ABCE1: variants seen among roughly 807,000 people sequenced by gnomAD.
ABCE1 encodes the protein ATP-binding cassette sub-family E member 1.
In ABCE1, 22 loss-of-function variants were observed where a neutral mutation model predicts 83.4. The ratio of observed to expected loss-of-function variants is 0.26; its 90% CI spans 0.19 to 0.38. The LOEUF is 0.38. ABCE1 is among the 10% of genes least tolerant of loss of function. ABCE1 has a pLI of 1.00. For synonymous variants in ABCE1, 204 were observed against 233.7 expected, an observed-to-expected ratio of 0.87 and a Z score of 1.16; for missense variants, 330 against 721.9, an observed-to-expected ratio of 0.46 and a Z score of 6.22.
chr4:145,108,407 A>G (rs1749367547), intron 4 of ABCE1, among the ~76,000 whole-genome samples: 1 of 152,208 alleles, frequency 6.6e-6, no homozygotes. Flanking sequence ...ACTCTAATAT[A>G]CAACTGGGAC....
intron 2 of ABCE1, among the ~76,000 whole-genome samples, chr4:145,104,732 A>T (rs1749252497): frequency 6.6e-6 from 1 of 152,052 alleles, no homozygotes; most frequent in African/African-American, 2.4e-5. Context: ...AGAATAATAC[A>T]TCAATATTTA....
chr4:145,101,101 A>G (rs1266551737), intron 1 of ABCE1, among the ~76,000 whole-genome samples: 5 of 152,156 alleles, frequency 3.3e-5, no homozygotes, highest in African/African-American at 1.2e-4. Flanking sequence ...ATAGTATGTC[A>G]TATAGTTGAG....
At chr4:145,112,213 T>G in intron 8 of ABCE1, 26 bp from the exon 9 acceptor site, 2 of 1,445,330 alleles carry the variant, frequency 1.4e-6, no homozygotes, top group East Asian at 2.3e-5. Flanking sequence ...AAACTTATAT[T>G]TGCTTTTTTT....
intron 13 of ABCE1, chr4:145,121,961 CA>C (rs1749759192): frequency 6.6e-6 from 1 of 152,214 alleles, no homozygotes; most frequent in African/African-American, 2.4e-5. Flanking sequence ...AAATTGACAA[CA>C]GCAAGAAGGT....
In ABCE1 at chr4:145,123,461, A is replaced by G; in HGVS notation, c.1518-17A>G. On this transcript the variant is annotated splice_polypyrimidine_tract_variant and intron_variant, in intron 15 of 17. Coordinates refer to ENST00000296577, the MANE Select transcript of ABCE1 (RefSeq NM_002940.3). ...TATGATAGAAAGCTATAAGATTTCA[A>G]AATCATTGTGTTTTAGTTTCATACT... 1.3e-6 allele frequency: 2 copies of G among 1,594,312 alleles called. No individual in the cohort carries two copies. Among genetic ancestry groups the G allele is most frequent in the Non-Finnish European group, 1.7e-6 (2 of 1,163,582 alleles).
At chr4:145,122,834 T>C (rs1040123132) in intron 13 of ABCE1, 187 bp from the exon 14 acceptor site, 7 of 498,646 alleles carry the variant, frequency 1.4e-5, no homozygotes, top group Non-Finnish European at 2.1e-5. Context: ...TCCTTTTTAC[T>C]TGTTGGACAT....
At chr4:145,110,759 G>A (rs1749447759) in intron 7 of ABCE1, 7 of 544,180 alleles carry the variant, frequency 1.3e-5, no homozygotes, top group Admixed American at 7.0e-5. Context: ...ACTGCGCCCG[G>A]CCATTTTGTG....
At chr4:145,121,003 C>T in intron 11 of ABCE1, 171 bp from the exon 12 acceptor site, 1 of 613,580 alleles carries the variant, frequency 1.6e-6, no homozygotes, top group East Asian at 2.8e-5. Flanking sequence ...AATGACACTT[C>T]AGAGGTGAGC....
At position 145,121,347 on chromosome 4, in the gene ABCE1, C is replaced by G; in HGVS notation, c.1219C>G (p.Leu407Val). The change falls in exon 13 of 18, where the codon CTA (leucine) becomes GTA (valine). Residue 407 changes from leucine to valine, a missense_variant. Leu to Val is a conservative substitution (Grantham distance 32, BLOSUM62 1). Coordinates refer to ENST00000296577, the MANE Select transcript of ABCE1 (RefSeq NM_002940.3). ...KPDEGGEVPV[L>V]NVSYKPQKIS... ...TTATTTTGCAGGAGAAGTACCAGTT[C>G]TAAATGTCAGTTATAAGCCACAGAA... is the stretch of plus-strand genomic sequence containing the variant. The G allele has an allele frequency of 6.2e-7, 1 of 1,613,154 alleles. No homozygotes were observed. Among genetic ancestry groups the G allele is most frequent in the Non-Finnish European group, 8.5e-7 (1 of 1,179,562 alleles).
intron 10 of ABCE1, among the ~76,000 whole-genome samples, chr4:145,118,147 T>C (rs1360547722): frequency 6.6e-6 from 1 of 151,586 alleles, no homozygotes; most frequent in African/African-American, 2.4e-5. Flanking sequence ...TTCAGAACAC[T>C]AAAAGGGCTG....
chr4:145,123,012 TA>T lies in ABCE1; in HGVS notation c.1264-4del, dbSNP rs371876909. On this transcript the variant is annotated splice_polypyrimidine_tract_variant and splice_region_variant and intron_variant, in intron 13 of 17. Coordinates refer to ENST00000296577, the MANE Select transcript of ABCE1 (RefSeq NM_002940.3). ...TTATCATTTAAATACTTTTTTATAT[TA>T]AAAACAGGGAAGTGTTCGCCAGTTA... 561 of 1,533,820 alleles carry T rather than the reference TA, an allele frequency of 3.7e-4. No homozygotes were observed. In the African/African-American group the frequency reaches 4.5e-3, roughly 12 times the overall value.
chr4:145,098,670 C>T (rs1308750833), intron 1 of ABCE1: 1 of 152,318 alleles, frequency 6.6e-6, no homozygotes, highest in Non-Finnish European at 1.5e-5. Flanking sequence ...CCGCGAGGGA[C>T]TTCGAGAATG....
rs1237984260 is a variant in ABCE1, at chr4:145,128,227, CT to C, written c.*655del. 1.3e-5 allele frequency: 2 copies of C among 152,570 alleles called. No homozygotes were observed. The highest frequency in any genetic ancestry group is 4.8e-5 in the African/African-American group (2 of 41,432). 9.5% of individuals were successfully genotyped at this position (152,570 alleles called of 1,614,324 possible). A position where few individuals can be genotyped will look rare whatever the true frequency, so the allele number is the denominator to read the frequency against. On this transcript the variant is annotated 3_prime_UTR_variant, in exon 18 of 18. Transcript: ENST00000296577. Reference sequence around the variant, plus strand: ...CAGTTCCATTCCCCGCAAAAAACCCCTAACTTTACTCTGAACTTTTTTTGTT... The same window carrying C: ...CAGTTCCATTCCCCGCAAAAAACCCCAACTTTACTCTGAACTTTTTTTGTT...
At chr4:145,104,098 T>C (rs1749229822) in intron 1 of ABCE1, among the ~76,000 whole-genome samples, 1 of 152,186 alleles carries the variant, frequency 6.6e-6, no homozygotes, top group African/African-American at 2.4e-5. Context: ...GTATATATCT[T>C]GTTGAGTATA....
chr4:145,122,064 A>G (rs1345121495), intron 13 of ABCE1: 1 of 152,226 alleles, frequency 6.6e-6, no homozygotes, highest in African/African-American at 2.4e-5. Flanking sequence ...AACTCTTATA[A>G]TTAAAAATGA....
In ABCE1 at chr4:145,110,107, C is replaced by A; in HGVS notation, c.410C>A (p.Pro137His). 1 of 1,555,314 alleles carries A rather than the reference C, an allele frequency of 6.4e-7. No individual in the cohort carries two copies. Among genetic ancestry groups the A allele is most frequent in the African/African-American group, 1.4e-5 (1 of 70,184 alleles). The change falls in exon 6 of 18, where the codon CCT becomes CAT. Residue 137 changes from proline (P) to histidine (H), a missense_variant. By Grantham distance (77) the Pro-to-His change is moderately conservative. Coordinates refer to ENST00000296577, the MANE Select transcript of ABCE1 (RefSeq NM_002940.3). ...QKPNLGKYDDPPDWQEILTYF... is the reference protein window; with the variant it reads ...QKPNLGKYDDHPDWQEILTYF... The stretch of plus-strand genomic sequence containing the variant: ...GTATTTTTTTTTTTTTTTTAGGATC[C>A]TCCTGACTGGCAGGAGATTTTGACT...
intron 17 of ABCE1, among the ~76,000 whole-genome samples, chr4:145,125,554 A>T (rs1177772501): frequency 6.6e-6 from 1 of 152,194 alleles, no homozygotes; most frequent in East Asian, 1.9e-4. Context: ...GGCATACTTT[A>T]GTGTGCGGTA....
chr4:145,127,875 A>G lies in ABCE1; in HGVS notation c.*302A>G, dbSNP rs991313214. 4 of 227,740 alleles carry G rather than the reference A, an allele frequency of 1.8e-5. No individual in the cohort carries two copies. Among genetic ancestry groups the G allele is most frequent in the Non-Finnish European group, 3.4e-5 (4 of 118,904 alleles). The allele number at this position is 227,740 out of a possible 1,614,324, so 14.1% of individuals were successfully genotyped here. A position where few individuals can be genotyped will look rare whatever the true frequency, so the allele number is the denominator to read the frequency against. On this transcript the variant is annotated 3_prime_UTR_variant, in exon 18 of 18. Transcript: ENST00000296577. ...TGGGAAGATTTTCAGTAGGTGTATT[A>G]TATTCACGGTACCAAATGCTGACCA...
At chr4:145,118,715 G>T (rs35613385) in intron 10 of ABCE1, among the ~76,000 whole-genome samples, 1 of 151,752 alleles carries the variant, frequency 6.6e-6, no homozygotes, top group African/African-American at 2.4e-5. Flanking sequence ...TAATGTGCTC[G>T]ATCTATTAAA....
Sources: allele counts gnomAD v4.1 joint callset (sites outside exome capture counted in the v4.1 genomes callset), GRCh38; gene constraint gnomAD v4.1.1; transcripts MANE v1.5; gene names NCBI Gene and HGNC (gene_info 2026-07-23, HGNC 2026-07-21).